Variants in COL4A5 observed in about 807,000 individuals in gnomAD.
COL4A5 encodes the protein collagen type IV alpha 5 chain, also known as collagen alpha-5(IV) chain.
A neutral mutation model predicts 130.2 loss-of-function variants in COL4A5; 26 were observed. That is an observed-to-expected ratio of 0.20 (90% CI 0.15 to 0.28). The LOEUF (loss-of-function observed/expected upper bound fraction) is 0.28. Ranked by LOEUF, COL4A5 falls within the 10% of genes least tolerant of loss-of-function variation. The pLI is 1.00. For missense variants in COL4A5, 1,131 were observed against 1,344.3 expected, an observed-to-expected ratio of 0.84 and a Z score of 2.48; for synonymous variants, 496 against 439.6, an observed-to-expected ratio of 1.13 and a Z score of -1.60.
rs149830076 is a variant in COL4A5, at chrX:108,598,280, C to T, written c.1780-422C>T. Reference sequence around the variant, plus strand: ...TATATAGTAAGCTTAGAGAATAGTACAAGTAGATAGCCATGTTCAATGTGC... The same window carrying T: ...TATATAGTAAGCTTAGAGAATAGTATAAGTAGATAGCCATGTTCAATGTGC... On this transcript the variant is annotated intron_variant, in intron 24 of 52. Transcript: ENST00000328300. Among the ~76,000 whole-genome samples, 954 of 111,602 alleles carry T rather than the reference C, an allele frequency of 8.5e-3. 21 individuals are homozygous for T. The highest frequency in any genetic ancestry group is 0.029 in the African/African-American group (892 of 30,685).
intron 1 of COL4A5, among the ~76,000 whole-genome samples, chrX:108,489,539 C>A (rs765723685): frequency 1.8e-5 from 2 of 111,910 alleles, no homozygotes; most frequent in African/African-American, 3.2e-5. Context: ...CGTTTTTCCA[C>A]GTATTGTTTG....
At chrX:108,548,422 G>C (rs757648313) in intron 2 of COL4A5, among the ~76,000 whole-genome samples, 107 of 111,340 alleles carry the variant, frequency 9.6e-4, no homozygotes, top group Non-Finnish European at 1.9e-3. Flanking sequence ...GAGCACTGAA[G>C]AGAAAATGAA....
At chrX:108,670,814 G>A (rs374499342) in intron 42 of COL4A5, 2 of 258,161 alleles carry the variant, frequency 7.7e-6, no homozygotes, top group Admixed American at 8.3e-5. Context: ...GGCCAAGGCG[G>A]GTGGATCACC....
chrX:108,494,054 G>A (rs1251862315), intron 1 of COL4A5, among the ~76,000 whole-genome samples: 1 of 111,476 alleles, frequency 9.0e-6, no homozygotes, highest in Admixed American at 9.6e-5. Flanking sequence ...AACTATTTAA[G>A]TCTACAATAC....
chrX:108,618,426 T>A lies in COL4A5; in HGVS notation c.2510-1833T>A, dbSNP rs184922438. Among the ~76,000 whole-genome samples, 185 of 112,029 alleles carry A rather than the reference T, an allele frequency of 1.7e-3. 1 individual carries two copies. The East Asian group carries it at 0.037, about 23-fold the overall frequency. ...TATAAAATTAAATTAATTTTTAAAT[T>A]TGAACTAAACTTTAGGAGCTTAAAT... is the stretch of plus-strand genomic sequence containing the variant. On this transcript the variant is annotated intron_variant, in intron 30 of 52. Transcript: ENST00000328300.
chrX:108,586,841 G>A, intron 19 of COL4A5, 94 bp downstream of exon 19: 2 of 953,178 alleles, frequency 2.1e-6, no homozygotes, highest in Non-Finnish European at 3.0e-6. Context: ...CAGCATGGAA[G>A]TAGGAGACAC....
intron 17 of COL4A5, among the ~76,000 whole-genome samples, chrX:108,583,687 A>G (rs1325960199): frequency 9.0e-6 from 1 of 111,587 alleles, no homozygotes; most frequent in Non-Finnish European, 1.9e-5. Flanking sequence ...CACAATTAGA[A>G]TAGATGGAGG....
chrX:108,694,535 G>T, intron 50 of COL4A5: 2 of 362,822 alleles, frequency 5.5e-6, no homozygotes, highest in Non-Finnish European at 9.8e-6. Flanking sequence ...ATTGACTATA[G>T]CAAGTATGAA....
At chrX:108,644,861 C>T (rs2067542156) in intron 36 of COL4A5, among the ~76,000 whole-genome samples, 1 of 104,652 alleles carries the variant, frequency 9.6e-6, no homozygotes, top group Non-Finnish European at 2.0e-5. Context: ...GATTATGCCA[C>T]TGCACTCCAG....
chrX:108,459,962 T>G (rs192274144), intron 1 of COL4A5, among the ~76,000 whole-genome samples: 1 of 111,900 alleles, frequency 8.9e-6, no homozygotes, highest in Non-Finnish European at 1.9e-5. Flanking sequence ...CTGTTAAAAA[T>G]TTTTTTTAAA....
intron 8 of COL4A5, 51 bp downstream of exon 8, chrX:108,571,888 G>A: frequency 1.0e-6 from 1 of 952,912 alleles, no homozygotes; most frequent in Non-Finnish European, 1.5e-6. Flanking sequence ...TATTAGGAAA[G>A]CTGGCAACTT....
At position 108,439,958 on chromosome X, in the gene COL4A5, C is replaced by CTT; in HGVS notation, c.-159_-158dup. 5.1e-6 allele frequency: 2 copies of CTT among 394,859 alleles called. No individual in the cohort carries two copies. Among genetic ancestry groups the CTT allele is most frequent in the Non-Finnish European group, 8.9e-6 (2 of 225,444 alleles). The allele number at this position is 394,859 out of a possible 1,213,427, so 32.5% of individuals were successfully genotyped here. On this transcript the variant is annotated 5_prime_UTR_variant, in exon 1 of 53. Transcript: ENST00000328300. ...GGAAGAGTAGCTCCTTCTTCTTCTT[C>CTT]TTTTTTTTTTCTTCCACTCTTAAAA... is the stretch of plus-strand genomic sequence containing the variant.
intron 1 of COL4A5, among the ~76,000 whole-genome samples, chrX:108,473,633 A>ATATATATATATATATATATTTTTTT: frequency 1.2e-4 from 4 of 34,560 alleles, no homozygotes; most frequent in Non-Finnish European, 2.4e-4. Context: ...ATATATATAT[A>ATATATATATATATATATATTTTTTT]TTTTTTTTTT....
intron 10 of COL4A5, among the ~76,000 whole-genome samples, chrX:108,576,201 A>G (rs975369475): frequency 3.4e-4 from 38 of 112,036 alleles, no homozygotes; most frequent in East Asian, 2.8e-4. Context: ...AAGATTTACA[A>G]TGAAATATTT....
At position 108,563,935 on chromosome X, in the gene COL4A5, T is replaced by C; in HGVS notation, c.276+9T>C. The C allele has an allele frequency of 8.5e-7, 1 of 1,175,061 alleles. No homozygotes were observed. Among genetic ancestry groups the C allele is most frequent in the South Asian group, 1.8e-5 (1 of 55,359 alleles). Reference sequence around the variant, plus strand: ...GACCAAAAGGAATCAGAGTAAGTAGTATTTTCTCTATATCAAATACTTTGT... The same window carrying C: ...GACCAAAAGGAATCAGAGTAAGTAGCATTTTCTCTATATCAAATACTTTGT... On this transcript the variant is annotated intron_variant, in intron 4 of 52. Transcript: ENST00000328300.
intron 52 of COL4A5, chrX:108,696,072 CA>C: frequency 2.6e-6 from 1 of 377,429 alleles, no homozygotes; most frequent in East Asian, 4.5e-5. Flanking sequence ...CACAAATATA[CA>C]AAGATAATAG....
intron 1 of COL4A5, among the ~76,000 whole-genome samples, chrX:108,442,235 T>C (rs2064409833): frequency 9.0e-6 from 1 of 111,637 alleles, no homozygotes; most frequent in Non-Finnish European, 1.9e-5. Flanking sequence ...TAGTTTAGTA[T>C]TGGGGTTTTT....
chrX:108,634,881 T>C (rs968393204), intron 36 of COL4A5, among the ~76,000 whole-genome samples: 1 of 110,699 alleles, frequency 9.0e-6, no homozygotes, highest in Non-Finnish European at 1.9e-5. Flanking sequence ...CACTACCACG[T>C]GAAACAAAGA....
At chrX:108,473,633 A>ATATATATATT in intron 1 of COL4A5, among the ~76,000 whole-genome samples, 16 of 34,556 alleles carry the variant, frequency 4.6e-4, no homozygotes, top group African/African-American at 1.6e-3. Flanking sequence ...ATATATATAT[A>ATATATATATT]TTTTTTTTTT....
Sources: allele counts gnomAD v4.1 joint callset (sites outside exome capture counted in the v4.1 genomes callset), GRCh38; gene constraint gnomAD v4.1.1; transcripts MANE v1.5; gene names NCBI Gene and HGNC (gene_info 2026-07-23, HGNC 2026-07-21).